Variants in RBMS3 observed in about 807,000 individuals in gnomAD.
The protein encoded by RBMS3 is RNA-binding motif, single-stranded-interacting protein 3.
A neutral mutation model predicts 66.8 loss-of-function variants in RBMS3; 27 were observed. The observed-to-expected ratio is 0.40, with a 90% CI of 0.30 to 0.56. The LOEUF (loss-of-function observed/expected upper bound fraction) is 0.56, where lower values mean the gene tolerates loss of function less well. Among genes scored for constraint, RBMS3 ranks in the 20% least tolerant of loss-of-function variants. The pLI, the probability that RBMS3 is intolerant of heterozygous loss-of-function variation, is 0.40. For missense variants in RBMS3, 513 were observed against 549.5 expected (o/e 0.93, Z 0.66); for synonymous variants, 188 against 183.0 (o/e 1.03, Z -0.22).
At chr3:29,817,039 C>T (rs531328781) in intron 6 of RBMS3, among the ~76,000 whole-genome samples, 8 of 151,958 alleles carry the variant, frequency 5.3e-5, no homozygotes, top group African/African-American at 4.8e-5. Flanking sequence ...TGCCGTGAGC[C>T]GAGATCGAAC....
At chr3:29,731,821 C>G (rs2054150846) in intron 4 of RBMS3, among the ~76,000 whole-genome samples, 1 of 152,114 alleles carries the variant, frequency 6.6e-6, no homozygotes. Flanking sequence ...CTCACTCCCT[C>G]TCGTGCACTC....
At chr3:29,710,910 C>T (rs562991024) in intron 4 of RBMS3, among the ~76,000 whole-genome samples, 2 of 152,128 alleles carry the variant, frequency 1.3e-5, no homozygotes, top group Admixed American at 6.6e-5. Flanking sequence ...CATTACTATA[C>T]ATGCCAAGAG....
At chr3:29,419,096 G>A (rs2040596280) in intron 1 of RBMS3, among the ~76,000 whole-genome samples, 1 of 152,122 alleles carries the variant, frequency 6.6e-6, no homozygotes, top group Non-Finnish European at 1.5e-5. Context: ...GGATGCAGGT[G>A]CCATTTTTTC....
intron 3 of RBMS3, among the ~76,000 whole-genome samples, chr3:29,536,557 C>G (rs578179479): frequency 1.1e-4 from 17 of 152,318 alleles, no homozygotes; most frequent in African/African-American, 4.1e-4. Flanking sequence ...TTCTATTTCT[C>G]TACCATAACC....
intron 1 of RBMS3, among the ~76,000 whole-genome samples, chr3:29,299,664 C>T (rs1004668282): frequency 2.6e-5 from 4 of 151,692 alleles, no homozygotes; most frequent in Admixed American, 1.3e-4. Flanking sequence ...ATAGCATTTA[C>T]ACTGTTTTAG....
chr3:29,781,353 C>A (rs937151023), intron 6 of RBMS3, among the ~76,000 whole-genome samples: 1 of 152,074 alleles, frequency 6.6e-6, no homozygotes, highest in African/African-American at 2.4e-5. Flanking sequence ...ATTTACAATT[C>A]ACCCACATGG....
At chr3:29,420,254 T>C (rs1488672380) in intron 1 of RBMS3, among the ~76,000 whole-genome samples, 3 of 152,178 alleles carry the variant, frequency 2.0e-5, no homozygotes, top group South Asian at 2.1e-4. Flanking sequence ...GCCCACATAT[T>C]CCCTCATGGT....
intron 1 of RBMS3, among the ~76,000 whole-genome samples, chr3:29,336,805 G>A (rs1395734129): frequency 1.3e-5 from 2 of 152,080 alleles, no homozygotes; most frequent in African/African-American, 4.8e-5. Flanking sequence ...GACACTGCCT[G>A]CTTTGCCATC....
intron 1 of RBMS3, among the ~76,000 whole-genome samples, chr3:29,416,329 T>C (rs1254907757): frequency 6.7e-6 from 1 of 148,632 alleles, no homozygotes; most frequent in South Asian, 2.2e-4. Flanking sequence ...TCTATAATCT[T>C]ATATCTAATC....
At chr3:29,533,079 T>C (rs2045426080) in intron 3 of RBMS3, among the ~76,000 whole-genome samples, 1 of 152,230 alleles carries the variant, frequency 6.6e-6, no homozygotes, top group Admixed American at 6.5e-5. Context: ...CAGTCAATTA[T>C]GAAGTTATCA....
intron 1 of RBMS3, among the ~76,000 whole-genome samples, chr3:29,329,439 G>A (rs66858706): frequency 0.25 from 37,243 of 151,892 alleles, 4,829 homozygotes; most frequent in South Asian, 0.34. Context: ...TATAGTTAGC[G>A]TGTATCCAAT....
At chr3:29,592,225 A>G (rs1167941815) in intron 4 of RBMS3, among the ~76,000 whole-genome samples, 1 of 152,004 alleles carries the variant, frequency 6.6e-6, no homozygotes, top group Non-Finnish European at 1.5e-5. Context: ...ATGAATTTAC[A>G]AAATATATCA....
At chr3:29,996,475 GCACCA>G (rs1699251147) in intron 14 of RBMS3, among the ~76,000 whole-genome samples, 2 of 149,486 alleles carry the variant, frequency 1.3e-5, no homozygotes, top group African/African-American at 4.9e-5. Context: ...ATTTTTTTCA[GCACCA>G]CACCACACCT....
intron 4 of RBMS3, among the ~76,000 whole-genome samples, chr3:29,722,736 A>G (rs1366247769): frequency 2.0e-5 from 3 of 152,022 alleles, no homozygotes; most frequent in Non-Finnish European, 4.4e-5. Context: ...ATGTTTTTCT[A>G]TGATTAGGTT....
intron 6 of RBMS3, among the ~76,000 whole-genome samples, chr3:29,819,576 C>T (rs1418727387): frequency 6.6e-6 from 1 of 152,184 alleles, no homozygotes; most frequent in Non-Finnish European, 1.5e-5. Context: ...CTTCATTTCA[C>T]ATGCTATGTC....
chr3:29,538,279 C>T (rs753499643), intron 3 of RBMS3, among the ~76,000 whole-genome samples: 5 of 152,114 alleles, frequency 3.3e-5, no homozygotes, highest in Admixed American at 6.5e-5. Flanking sequence ...ACAATTTATG[C>T]GCCCTGGATT....
chr3:29,510,799 C>G (rs941687667), intron 3 of RBMS3, among the ~76,000 whole-genome samples: 1 of 152,124 alleles, frequency 6.6e-6, no homozygotes, highest in Non-Finnish European at 1.5e-5. Context: ...GTTATGTTAG[C>G]ATTGTTTATT....
chr3:29,610,475 C>T (rs1476527741), intron 4 of RBMS3, among the ~76,000 whole-genome samples: 2 of 151,978 alleles, frequency 1.3e-5, no homozygotes, highest in African/African-American at 4.8e-5. Flanking sequence ...AGGGACAGTG[C>T]CTCCACCCAT....
At chr3:29,849,385 G>T (rs2058874660) in intron 6 of RBMS3, among the ~76,000 whole-genome samples, 1 of 151,920 alleles carries the variant, frequency 6.6e-6, no homozygotes, top group African/African-American at 2.4e-5. Context: ...ACAGTGGCAG[G>T]TGCCTTTAAT....
Sources: allele counts gnomAD v4.1 joint callset (sites outside exome capture counted in the v4.1 genomes callset), GRCh38; gene constraint gnomAD v4.1.1; transcripts MANE v1.5; gene names NCBI Gene and HGNC (gene_info 2026-07-23, HGNC 2026-07-21).